Variants in SPATA17 observed in about 807,000 individuals in gnomAD.
SPATA17 encodes the protein spermatogenesis associated 17, also known as spermatogenesis-associated protein 17.
In SPATA17, 53 loss-of-function variants were observed where a neutral mutation model predicts 62.2. The ratio of observed to expected loss-of-function variants is 0.85; its 90% confidence interval spans 0.68 to 1.07. The LOEUF is 1.07. Among genes scored for constraint, SPATA17 ranks in the 50% least tolerant of loss-of-function variants. The pLI is 0.00. For missense variants in SPATA17, 466 were observed against 425.5 expected (o/e 1.10, Z -0.84); for synonymous variants, 146 against 146.8 (o/e 0.99, Z 0.04).
At chr1:217,642,262 A>G (rs185964569) in intron 1 of SPATA17, among the ~76,000 whole-genome samples, 66 of 152,288 alleles carry the variant, frequency 4.3e-4, no homozygotes, top group African/African-American at 1.5e-3. Flanking sequence ...TAAAAAGCAG[A>G]TCATTTGAAA....
intron 5 of SPATA17, among the ~76,000 whole-genome samples, chr1:217,741,674 A>T (rs1379553495): frequency 1.3e-5 from 2 of 152,190 alleles, no homozygotes; most frequent in African/African-American, 4.8e-5. Flanking sequence ...GTTAATCTTA[A>T]AGCAAAAATA....
chr1:217,679,119 A>T (rs1457457203), intron 4 of SPATA17, among the ~76,000 whole-genome samples: 1 of 152,178 alleles, frequency 6.6e-6, no homozygotes, highest in African/African-American at 2.4e-5. Flanking sequence ...ATTGTATTTT[A>T]CAATATCAAT....
intron 9 of SPATA17, among the ~76,000 whole-genome samples, chr1:217,817,505 A>C (rs190607078): frequency 6.6e-6 from 1 of 152,016 alleles, no homozygotes. Flanking sequence ...ATCTGAGTCA[A>C]TTAAACCTCT....
In SPATA17 at chr1:217,871,472, T is replaced by A. The variant is rs778849145; in HGVS notation, c.*4453T>A. On this transcript the variant is annotated 3_prime_UTR_variant, in exon 11 of 11. Coordinates refer to ENST00000366933, the MANE Select transcript of SPATA17 (RefSeq NM_138796.4). ...CTGGCTCAAAGCCTTTTAGGAACAA[T>A]AAGTTACTGAATTATATGAACCTAT... 4 of 152,150 alleles carry A rather than the reference T, an allele frequency of 2.6e-5. No individual in the cohort carries two copies. Among genetic ancestry groups the A allele is most frequent in the African/African-American group, 9.6e-5 (4 of 41,456 alleles). 9.4% of individuals were successfully genotyped at this position (152,150 alleles called of 1,614,324 possible).
At chr1:217,763,981 T>G (rs1393289087) in intron 6 of SPATA17, among the ~76,000 whole-genome samples, 1 of 152,200 alleles carries the variant, frequency 6.6e-6, no homozygotes. Context: ...TCCTATATAC[T>G]GCCTTCGGCT....
intron 4 of SPATA17, among the ~76,000 whole-genome samples, chr1:217,679,251 C>CG (rs1455067886): frequency 2.0e-5 from 3 of 152,096 alleles, no homozygotes; most frequent in Admixed American, 2.0e-4. Flanking sequence ...GTGGAAAGAG[C>CG]GGGCTTTGGA....
At chr1:217,756,508 G>T (rs1359081476) in intron 6 of SPATA17, among the ~76,000 whole-genome samples, 1 of 152,160 alleles carries the variant, frequency 6.6e-6, no homozygotes, top group African/African-American at 2.4e-5. Context: ...TTTCAAGGGA[G>T]CTGAGAAAGG....
At chr1:217,669,152 G>A in intron 4 of SPATA17, 69 bp downstream of exon 4, 2 of 1,380,924 alleles carry the variant, frequency 1.4e-6, no homozygotes, top group Non-Finnish European at 2.0e-6. Flanking sequence ...TTAATAAAAT[G>A]AGCAAAGCAG....
intron 5 of SPATA17, among the ~76,000 whole-genome samples, chr1:217,728,325 C>G (rs1022491495): frequency 1.3e-5 from 2 of 152,056 alleles, no homozygotes; most frequent in Non-Finnish European, 2.9e-5. Flanking sequence ...CCTTTATTAT[C>G]TCATTCAATT....
chr1:217,830,986 A>T (rs1249759758), intron 9 of SPATA17, among the ~76,000 whole-genome samples: 3 of 152,176 alleles, frequency 2.0e-5, no homozygotes, highest in Admixed American at 6.6e-5. Context: ...ATTGGTTTTA[A>T]GGATACAAAT....
At chr1:217,698,365 C>T (rs1424016352) in intron 5 of SPATA17, among the ~76,000 whole-genome samples, 2 of 151,772 alleles carry the variant, frequency 1.3e-5, no homozygotes. Context: ...ATCTGGGAGG[C>T]GGAGTTTGCA....
chr1:217,845,339 G>A (rs1443056145), intron 9 of SPATA17, among the ~76,000 whole-genome samples: 1 of 152,030 alleles, frequency 6.6e-6, no homozygotes, highest in Admixed American at 6.6e-5. Flanking sequence ...TGTGGTTTTA[G>A]TGCTTCTGTC....
intron 9 of SPATA17, among the ~76,000 whole-genome samples, chr1:217,836,300 G>C (rs1395479419): frequency 6.6e-6 from 1 of 152,106 alleles, no homozygotes; most frequent in East Asian, 1.9e-4. Flanking sequence ...AAAGTTTCAA[G>C]ATTTTTCTTC....
intron 6 of SPATA17, among the ~76,000 whole-genome samples, chr1:217,755,799 G>A (rs1001712977): frequency 3.3e-5 from 5 of 151,634 alleles, no homozygotes; most frequent in East Asian, 1.9e-4. Flanking sequence ...GTTAACTTAC[G>A]ATCATCTGTA....
intron 9 of SPATA17, among the ~76,000 whole-genome samples, chr1:217,807,489 T>C (rs1674466080): frequency 6.6e-6 from 1 of 152,158 alleles, no homozygotes; most frequent in Non-Finnish European, 1.5e-5. Flanking sequence ...CTGAAAACAT[T>C]TAGTGTAAAC....
In SPATA17 at chr1:217,704,744, A is replaced by T. The variant is rs930905523; in HGVS notation, c.395+21383A>T. On this transcript the variant is annotated intron_variant, in intron 5 of 10. Coordinates refer to ENST00000366933, the MANE Select transcript of SPATA17 (RefSeq NM_138796.4). ...AAGGACATGATCTCATTTTTTTTTT[A>T]AATGTGTGGGTAGTTTTCCATGGTA... Among the ~76,000 whole-genome samples, 9 of 151,812 alleles carry T rather than the reference A, an allele frequency of 5.9e-5. No individual in the cohort carries two copies. The East Asian group carries it at 9.7e-4, about 16-fold the overall frequency.
At chr1:217,816,476 T>G (rs1674719757) in intron 9 of SPATA17, among the ~76,000 whole-genome samples, 4 of 151,772 alleles carry the variant, frequency 2.6e-5, no homozygotes, top group Admixed American at 2.6e-4. Context: ...TATTCAACCT[T>G]CTATCTTTTA....
intron 9 of SPATA17, among the ~76,000 whole-genome samples, chr1:217,812,969 G>C (rs1674629901): frequency 2.0e-5 from 3 of 152,044 alleles, no homozygotes; most frequent in Admixed American, 2.0e-4. Context: ...TCTTATTACA[G>C]GTGAATTACA....
At chr1:217,849,816 T>TAAGC (rs1675606686) in intron 9 of SPATA17, among the ~76,000 whole-genome samples, 1 of 152,152 alleles carries the variant, frequency 6.6e-6, no homozygotes, top group Admixed American at 6.6e-5. Flanking sequence ...TGTAGGCTTT[T>TAAGC]AAGCAAGCCC....
Sources: allele counts gnomAD v4.1 joint callset (sites outside exome capture counted in the v4.1 genomes callset), GRCh38; gene constraint gnomAD v4.1.1; transcripts MANE v1.5; gene names NCBI Gene and HGNC (gene_info 2026-07-23, HGNC 2026-07-21).